Variants in KLF8 observed in about 807,000 individuals in gnomAD.
KLF8 encodes KLF transcription factor 8.
Under a neutral mutation model 18.2 loss-of-function variants are expected in KLF8, and 10 were observed. The ratio of observed to expected loss-of-function variants is 0.55; its 90% CI spans 0.34 to 0.93. The LOEUF is 0.93. Among genes scored for constraint, KLF8 ranks in the 40% least tolerant of loss-of-function variants. The probability of loss-of-function intolerance (pLI) is 0.02; values close to 1 mark genes in which losing one functional copy is unlikely to be tolerated. For synonymous variants in KLF8, 109 were observed against 97.3 expected (o/e 1.12, Z -0.71); for missense variants, 264 against 277.9 (o/e 0.95, Z 0.36).
the KLF8 span, among the ~76,000 whole-genome samples, chrX:56,073,415 G>T: frequency 8.9e-6 from 1 of 111,787 alleles, no homozygotes; most frequent in African/African-American, 3.2e-5. Context: ...ACAGATTTGC[G>T]TTGTTTCCTC....
chrX:56,121,979 T>A, the KLF8 span, among the ~76,000 whole-genome samples: 1 of 111,898 alleles, frequency 8.9e-6, no homozygotes, highest in Admixed American at 9.5e-5. Context: ...TCTCTGAACA[T>A]GTTTTGAGTA....
At chrX:56,208,057 A>G in the KLF8 span, among the ~76,000 whole-genome samples, 1 of 110,918 alleles carries the variant, frequency 9.0e-6, no homozygotes, top group Non-Finnish European at 1.9e-5. Flanking sequence ...ATTATTCACT[A>G]TCACAAGAAC....
the KLF8 span, among the ~76,000 whole-genome samples, chrX:56,033,187 A>G: frequency 9.0e-6 from 1 of 110,741 alleles, no homozygotes. Flanking sequence ...CCATTCCCCA[A>G]CCCAACCTCT....
chrX:56,277,032 C>G, intron 5 of KLF8, among the ~76,000 whole-genome samples: 1 of 111,822 alleles, frequency 8.9e-6, no homozygotes, highest in Non-Finnish European at 1.9e-5. Context: ...TTGTTTCAAT[C>G]TCTTAGTTAA....
the KLF8 span, among the ~76,000 whole-genome samples, chrX:56,107,551 C>A: frequency 8.9e-6 from 1 of 111,910 alleles, no homozygotes; most frequent in Non-Finnish European, 1.9e-5. Flanking sequence ...ATCGCCTGAT[C>A]TGCGGGTTGC....
the KLF8 span, among the ~76,000 whole-genome samples, chrX:56,071,360 TA>T: frequency 8.9e-6 from 1 of 111,751 alleles, no homozygotes; most frequent in Non-Finnish European, 1.9e-5. Flanking sequence ...TGAGCTCTTT[TA>T]TTTTCTTTAA....
the KLF8 span, among the ~76,000 whole-genome samples, chrX:56,136,718 C>T: frequency 3.7e-3 from 410 of 111,235 alleles, 2 homozygotes; most frequent in African/African-American, 0.013. Flanking sequence ...TCTAAAACGC[C>T]AAAAGCAATG....
intron 2 of KLF8, among the ~76,000 whole-genome samples, chrX:56,256,895 G>T (rs990067053): frequency 2.7e-5 from 3 of 111,158 alleles, no homozygotes; most frequent in Non-Finnish European, 5.7e-5. Context: ...TAGAGACGGG[G>T]TTTCTCCATG....
At chrX:55,921,501 A>C in the KLF8 span, among the ~76,000 whole-genome samples, 1 of 112,060 alleles carries the variant, frequency 8.9e-6, no homozygotes, top group Non-Finnish European at 1.9e-5. Context: ...CTAAAACCCA[A>C]AATTATAAAA....
At chrX:56,060,121 G>A in the KLF8 span, among the ~76,000 whole-genome samples, 1 of 111,704 alleles carries the variant, frequency 9.0e-6, no homozygotes, top group Admixed American at 9.5e-5. Flanking sequence ...ATACAATCAT[G>A]TGATCTGCAA....
At chrX:56,282,709 A>G (rs968627444) in intron 5 of KLF8, among the ~76,000 whole-genome samples, 3 of 111,961 alleles carry the variant, frequency 2.7e-5, no homozygotes, top group African/African-American at 9.7e-5. Flanking sequence ...TAGAATACCA[A>G]TGCATTTTTG....
chrX:56,087,286 A>T, the KLF8 span, among the ~76,000 whole-genome samples: 1 of 110,753 alleles, frequency 9.0e-6, no homozygotes, highest in Non-Finnish European at 1.9e-5. Flanking sequence ...TGTTATCCCC[A>T]GTGTTGGAGG....
the KLF8 span, among the ~76,000 whole-genome samples, chrX:56,016,984 T>C: frequency 1.8e-5 from 2 of 111,430 alleles, no homozygotes; most frequent in South Asian, 3.8e-4. Context: ...AGTAGTTCAC[T>C]GGAGAGGTTA....
chrX:56,018,710 T>TA, the KLF8 span, among the ~76,000 whole-genome samples: 1 of 111,349 alleles, frequency 9.0e-6, no homozygotes, highest in African/African-American at 3.3e-5. Flanking sequence ...AGTTAAACCA[T>TA]AAAAAATTGC....
chrX:56,026,032 T>C, the KLF8 span, among the ~76,000 whole-genome samples: 3 of 112,065 alleles, frequency 2.7e-5, no homozygotes, highest in Non-Finnish European at 3.8e-5. Flanking sequence ...CGTAGACCAG[T>C]CAACTTCCGG....
intron 1 of KLF8, among the ~76,000 whole-genome samples, chrX:56,245,851 G>A (rs1233781756): frequency 1.8e-5 from 2 of 111,814 alleles, no homozygotes; most frequent in East Asian, 5.6e-4. Context: ...CTAGAGAAGA[G>A]CAAGAGGCTC....
chrX:56,031,077 C>A, the KLF8 span, among the ~76,000 whole-genome samples: 1 of 110,917 alleles, frequency 9.0e-6, no homozygotes, highest in Non-Finnish European at 1.9e-5. Flanking sequence ...ACACAAAGTT[C>A]TAAGTTTTCC....
At chrX:56,210,417 G>A in the KLF8 span, among the ~76,000 whole-genome samples, 9 of 111,834 alleles carry the variant, frequency 8.0e-5, no homozygotes, top group African/African-American at 2.6e-4. Context: ...AGGAATTGGA[G>A]CTCTATTATA....
the KLF8 span, among the ~76,000 whole-genome samples, chrX:56,093,851 G>A: frequency 1.9e-5 from 2 of 107,330 alleles, no homozygotes; most frequent in African/African-American, 6.7e-5. Flanking sequence ...GTGATATAAT[G>A]TAATTTGAAA....
Sources: allele counts gnomAD v4.1 joint callset (sites outside exome capture counted in the v4.1 genomes callset), GRCh38; gene constraint gnomAD v4.1.1; transcripts MANE v1.5; gene names NCBI Gene and HGNC (gene_info 2026-07-23, HGNC 2026-07-21).